Variants in GNAQ observed in about 807,000 individuals in gnomAD.
The protein encoded by GNAQ is G protein subunit alpha q.
GNAQ carries 8 observed loss-of-function variants against 43.9 expected under a neutral mutation model. The observed-to-expected ratio is 0.18, with a 90% CI of 0.11 to 0.33. The LOEUF is 0.33. GNAQ is among the 10% of genes least tolerant of loss of function. The pLI is 1.00. For synonymous variants in GNAQ, 155 were observed against 170.7 expected, an observed-to-expected ratio of 0.91 and a Z score of 0.71; for missense variants, 158 against 450.8, an observed-to-expected ratio of 0.35 and a Z score of 5.88.
intron 2 of GNAQ, among the ~76,000 whole-genome samples, chr9:77,909,805 T>C (rs1245095136): frequency 1.3e-5 from 2 of 151,960 alleles, no homozygotes; most frequent in Admixed American, 6.6e-5. Flanking sequence ...GTGGTAAAAG[T>C]ATACATTTAT....
intron 1 of GNAQ, among the ~76,000 whole-genome samples, chr9:77,976,682 G>A (rs761484068): frequency 1.3e-5 from 2 of 152,156 alleles, no homozygotes; most frequent in African/African-American, 2.4e-5. Context: ...GAGCCAACAC[G>A]CCCGGCCCAG....
chr9:77,728,569 A>T lies in GNAQ; in HGVS notation c.834T>A (p.Leu278=). 1 of 1,602,390 alleles carries T rather than the reference A, an allele frequency of 6.2e-7. No homozygotes were observed. The highest frequency in any genetic ancestry group is 8.6e-7 in the Non-Finnish European group (1 of 1,169,580). Residue 278 remains leucine, a synonymous_variant, in exon 6 of 7, where the codon CTT becomes CTA. Transcript: ENST00000286548. Reference sequence around the variant, plus strand: ...GGGAATACATGATTTTCTCCTCTAGAAGATCTTTCTTGTTTAAGAACAGAA... The same window carrying T: ...GGGAATACATGATTTTCTCCTCTAGTAGATCTTTCTTGTTTAAGAACAGAA... The part of the protein sequence containing the change: ...SVILFLNKKD[L]LEEKIMYSHL...
intron 1 of GNAQ, chr9:78,030,684 G>A: frequency 5.0e-6 from 2 of 403,040 alleles, no homozygotes; most frequent in South Asian, 1.9e-5. Context: ...GGCTCCCCAC[G>A]CCACCACCCC....
intron 5 of GNAQ, among the ~76,000 whole-genome samples, chr9:77,787,757 T>C (rs1352323922): frequency 6.6e-6 from 1 of 152,178 alleles, no homozygotes; most frequent in African/African-American, 2.4e-5. Context: ...TGGCCAGGCA[T>C]GGTGGCTCAC....
chr9:77,794,395 T>A (rs1483386519), intron 5 of GNAQ, 68 bp downstream of exon 5: 1 of 1,108,630 alleles, frequency 9.0e-7, no homozygotes, highest in Non-Finnish European at 1.3e-6. Flanking sequence ...CCCCACACCC[T>A]ACTTTCTATC....
Position 77,716,176 on chromosome 9 carries a change from G to GT in GNAQ, c.*5146dup. 1 of 198,294 alleles carries GT rather than the reference G, an allele frequency of 5.0e-6. No homozygotes were observed. The highest frequency in any genetic ancestry group is 7.8e-5 in the East Asian group (1 of 12,774). The allele number at this position is 198,294 out of a possible 1,614,324, so 12.3% of individuals were successfully genotyped here. On this transcript the variant is annotated 3_prime_UTR_variant, in exon 7 of 7. Coordinates refer to ENST00000286548, the MANE Select transcript of GNAQ (RefSeq NM_002072.5). ...CAAGGTGTGTTAAGGAAGGAAAGAT[G>GT]TATTTCAGTACTCCTACTAATACAA...
intron 5 of GNAQ, among the ~76,000 whole-genome samples, chr9:77,734,846 T>C (rs1442564391): frequency 2.3e-4 from 35 of 152,234 alleles, no homozygotes; most frequent in Admixed American, 2.2e-3. Flanking sequence ...AATGAATACA[T>C]GAGCATGTCT....
At chr9:77,845,852 T>C (rs1217731505) in intron 2 of GNAQ, among the ~76,000 whole-genome samples, 2 of 152,164 alleles carry the variant, frequency 1.3e-5, no homozygotes, top group African/African-American at 2.4e-5. Context: ...AAGACTAGTA[T>C]AGATAAGAGG....
rs188780385 is a variant in GNAQ at position 77,966,181 on chromosome 9, G to A, written c.137-43836C>T. ...TTTGGAGGGGGAGATAGGTGGGAGG[G>A]AGGATAAAAAAGAGGCACAGGCAAC... On this transcript the variant is annotated intron_variant, in intron 1 of 6. Coordinates refer to ENST00000286548, the MANE Select transcript of GNAQ (RefSeq NM_002072.5). 3.3e-5 allele frequency among the ~76,000 whole-genome samples: 5 copies of A among 152,146 alleles called. No homozygotes were observed. The East Asian group carries it at 9.7e-4, about 29-fold the overall frequency.
Position 77,769,807 on chromosome 9 carries a change from C to G in GNAQ, c.735+24656G>C, listed in dbSNP as rs1019575968. On this transcript the variant is annotated intron_variant, in intron 5 of 6. Transcript: ENST00000286548. ...AGCCTCCCAAGTAGCTGCGACTACA[C>G]GCGCCCGCCACAATGTCTGGCTAAT... 2.6e-5 allele frequency among the ~76,000 whole-genome samples: 4 copies of G among 151,654 alleles called. 1 individual carries two copies. Among genetic ancestry groups the G allele is most frequent in the Admixed American group, 1.3e-4 (2 of 15,248 alleles).
chr9:78,004,572 T>C (rs781555944), intron 1 of GNAQ, among the ~76,000 whole-genome samples: 1 of 152,268 alleles, frequency 6.6e-6, no homozygotes. Flanking sequence ...CAACTGCCCA[T>C]TGCCATTAGT....
At chr9:77,733,874 C>G (rs571681869) in intron 5 of GNAQ, among the ~76,000 whole-genome samples, 1 of 152,302 alleles carries the variant, frequency 6.6e-6, no homozygotes, top group South Asian at 2.1e-4. Context: ...TAGTTTCAAA[C>G]TGAAATCTTT....
At chr9:77,828,617 A>G (rs1249374781) in intron 2 of GNAQ, among the ~76,000 whole-genome samples, 1 of 152,246 alleles carries the variant, frequency 6.6e-6, no homozygotes, top group Non-Finnish European at 1.5e-5. Context: ...TCAGAGACTA[A>G]TATTTCTTGC....
At chr9:77,869,384 T>C (rs1396074971) in intron 2 of GNAQ, among the ~76,000 whole-genome samples, 1 of 152,204 alleles carries the variant, frequency 6.6e-6, no homozygotes, top group African/African-American at 2.4e-5. Flanking sequence ...ATGAAATTAA[T>C]AAGTCACGGT....
chr9:78,019,203 A>C (rs1054832885), intron 1 of GNAQ, among the ~76,000 whole-genome samples: 27 of 152,228 alleles, frequency 1.8e-4, no homozygotes, highest in African/African-American at 6.5e-4. Flanking sequence ...AGCAATATAC[A>C]GGTATTTTCT....
intron 5 of GNAQ, among the ~76,000 whole-genome samples, chr9:77,754,485 A>G (rs1825867318): frequency 6.6e-6 from 1 of 152,226 alleles, no homozygotes; most frequent in Non-Finnish European, 1.5e-5. Context: ...TTATTCCAGT[A>G]AACAGAGCAA....
chr9:77,817,776 A>G (rs1294019381), intron 2 of GNAQ, among the ~76,000 whole-genome samples: 1 of 152,196 alleles, frequency 6.6e-6, no homozygotes, highest in East Asian at 1.9e-4. Flanking sequence ...GCAGTTACAT[A>G]CGCACATGAG....
At chr9:77,822,406 T>G (rs949065420) in intron 2 of GNAQ, among the ~76,000 whole-genome samples, 6 of 152,178 alleles carry the variant, frequency 3.9e-5, no homozygotes, top group African/African-American at 1.4e-4. Context: ...CATAATGTTA[T>G]GTGGTTCATT....
intron 5 of GNAQ, among the ~76,000 whole-genome samples, chr9:77,768,477 A>G (rs1826168731): frequency 6.6e-6 from 1 of 152,196 alleles, no homozygotes. Context: ...CAAGTGAAAT[A>G]CTGTGGAAGA....
Sources: gnomAD v4.1 joint callset for allele counts (sites outside exome capture counted in the v4.1 genomes callset) on GRCh38, gnomAD v4.1.1 for gene constraint, MANE v1.5 for transcripts, NCBI Gene and HGNC (gene_info 2026-07-23, HGNC 2026-07-21) for gene names.